HIBADH: variants seen among roughly 807,000 people sequenced by gnomAD.
HIBADH encodes the protein 3-hydroxyisobutyrate dehydrogenase, mitochondrial.
HIBADH carries 25 observed loss-of-function variants against 36.1 expected under a neutral mutation model. The ratio of observed to expected loss-of-function variants is 0.69; its 90% CI spans 0.50 to 0.97. The LOEUF is 0.97. HIBADH is among the 50% of genes least tolerant of loss of function. HIBADH has a pLI of 0.00. For synonymous variants in HIBADH, 160 were observed against 149.5 expected, an observed-to-expected ratio of 1.07 and a Z score of -0.51; for missense variants, 421 against 418.0, an observed-to-expected ratio of 1.01 and a Z score of -0.06.
chr7:27,570,560 G>A (rs1057421216), intron 4 of HIBADH, among the ~76,000 whole-genome samples: 5 of 152,106 alleles, frequency 3.3e-5, no homozygotes, highest in Non-Finnish European at 5.9e-5. Flanking sequence ...AAAAGCATGC[G>A]GGGAGTTTCT....
intron 4 of HIBADH, among the ~76,000 whole-genome samples, chr7:27,564,689 A>G (rs866702800): frequency 6.6e-6 from 1 of 152,310 alleles, no homozygotes. Flanking sequence ...TATAGATGCA[A>G]TAAAAAGTAA....
rs755075502 is a variant in HIBADH at position 27,526,263 on chromosome 7, T to C, written c.962A>G (p.Lys321Arg). The C allele has an allele frequency of 3.1e-6, 5 of 1,613,086 alleles. No homozygotes were observed. The African/African-American group carries it at 6.7e-5, about 22-fold the overall frequency. ...RMMCAKGYSK[K>R]DFSSVFQFLR... ...GAACTGGAACACGGATGAGAAGTCTTTCTTTGAGTAGCCCTTTGCACACAT... is the reference window on the plus strand; with the variant it reads ...GAACTGGAACACGGATGAGAAGTCTCTCTTTGAGTAGCCCTTTGCACACAT... The change falls in exon 8 of 8, where the codon AAA becomes AGA. Residue 321 changes from lysine to arginine, a missense_variant. Transcript: ENST00000265395.
intron 4 of HIBADH, among the ~76,000 whole-genome samples, chr7:27,611,272 T>G (rs1785315359): frequency 1.3e-5 from 2 of 152,352 alleles, no homozygotes; most frequent in South Asian, 2.1e-4. Context: ...TTAAGGTCTC[T>G]GGGCAAATCT....
intron 4 of HIBADH, among the ~76,000 whole-genome samples, chr7:27,614,371 A>C (rs1785390320): frequency 6.6e-6 from 1 of 152,224 alleles, no homozygotes; most frequent in South Asian, 2.1e-4. Context: ...AGAGAGGTAA[A>C]TAATCTGGAG....
intron 1 of HIBADH, among the ~76,000 whole-genome samples, chr7:27,657,615 A>G (rs1026574582): frequency 1.3e-5 from 2 of 152,148 alleles, no homozygotes; most frequent in African/African-American, 4.8e-5. Flanking sequence ...GAATGAAGAT[A>G]AAGTTTTCAA....
intron 2 of HIBADH, among the ~76,000 whole-genome samples, chr7:27,646,844 C>A (rs576718468): frequency 2.0e-5 from 3 of 151,856 alleles, no homozygotes; most frequent in Non-Finnish European, 4.4e-5. Flanking sequence ...CACAGACACA[C>A]GCCACCGCGC....
At chr7:27,631,878 A>G (rs17155537) in intron 3 of HIBADH, among the ~76,000 whole-genome samples, 30,901 of 152,218 alleles carry the variant, frequency 0.2, 4,121 homozygotes, top group East Asian at 0.53. Flanking sequence ...CCAACTTCCC[A>G]AAGTTCTTAC....
intron 4 of HIBADH, among the ~76,000 whole-genome samples, chr7:27,563,209 G>C (rs1226296130): frequency 1.3e-5 from 2 of 152,044 alleles, no homozygotes; most frequent in Non-Finnish European, 2.9e-5. Context: ...AATGCCTTTG[G>C]GTTACCTGTT....
chr7:27,628,062 T>C (rs1785680299), intron 4 of HIBADH, among the ~76,000 whole-genome samples: 1 of 152,162 alleles, frequency 6.6e-6, no homozygotes, highest in African/African-American at 2.4e-5. Flanking sequence ...AGAACCACTC[T>C]AAGAAAGATC....
intron 7 of HIBADH, among the ~76,000 whole-genome samples, chr7:27,529,406 T>C (rs1783959911): frequency 6.6e-6 from 1 of 152,148 alleles, no homozygotes; most frequent in Non-Finnish European, 1.5e-5. Flanking sequence ...TTGTGATTCA[T>C]GGGAGGAGGT....
At chr7:27,644,532 G>A (rs1364538598) in intron 2 of HIBADH, among the ~76,000 whole-genome samples, 7 of 151,118 alleles carry the variant, frequency 4.6e-5, no homozygotes, top group East Asian at 2.0e-4. Context: ...CCTGGGAGGC[G>A]GAGGTTGCAG....
intron 4 of HIBADH, among the ~76,000 whole-genome samples, chr7:27,610,611 A>G (rs1271901647): frequency 1.3e-5 from 2 of 152,224 alleles, no homozygotes; most frequent in Non-Finnish European, 2.9e-5. Flanking sequence ...TTGTGAGAGT[A>G]TCAAAAAAAG....
intron 4 of HIBADH, among the ~76,000 whole-genome samples, chr7:27,574,940 A>C (rs915403090): frequency 5.3e-5 from 8 of 152,200 alleles, no homozygotes; most frequent in Non-Finnish European, 1.2e-4. Context: ...TGATATTATA[A>C]AGCAGGTAAT....
At chr7:27,554,166 A>T (rs1986243) in intron 4 of HIBADH, among the ~76,000 whole-genome samples, 22 of 152,062 alleles carry the variant, frequency 1.4e-4, no homozygotes, top group East Asian at 9.7e-4. Context: ...TTGTATTTTT[A>T]GTAGAGACAG....
At chr7:27,600,167 AT>A (rs1785105211) in intron 4 of HIBADH, among the ~76,000 whole-genome samples, 1 of 152,116 alleles carries the variant, frequency 6.6e-6, no homozygotes, top group Admixed American at 6.5e-5. Context: ...ACACTGTCAT[AT>A]GTTCACTTAG....
chr7:27,575,704 CA>C (rs1438076737), intron 4 of HIBADH, among the ~76,000 whole-genome samples: 2 of 151,896 alleles, frequency 1.3e-5, no homozygotes, highest in African/African-American at 4.8e-5. Flanking sequence ...GGGCTGTTTT[CA>C]AAAAAAGGAA....
At chr7:27,583,698 A>G (rs1026953237) in intron 4 of HIBADH, among the ~76,000 whole-genome samples, 3 of 152,120 alleles carry the variant, frequency 2.0e-5, no homozygotes, top group Admixed American at 2.0e-4. Flanking sequence ...AGGCCTCATC[A>G]TTTTAAACCA....
At chr7:27,559,217 T>C in intron 4 of HIBADH, among the ~76,000 whole-genome samples, 1 of 152,166 alleles carries the variant, frequency 6.6e-6, no homozygotes, top group East Asian at 1.9e-4. Context: ...TTAACTTCAT[T>C]ACCTTTGTGA....
At chr7:27,629,092 A>C (rs1785699808) in intron 4 of HIBADH, among the ~76,000 whole-genome samples, 1 of 152,062 alleles carries the variant, frequency 6.6e-6, no homozygotes, top group Non-Finnish European at 1.5e-5. Flanking sequence ...GTTCCAAAAA[A>C]AATTTTCTAA....
Sources: gnomAD v4.1 joint callset for allele counts (sites outside exome capture counted in the v4.1 genomes callset) on GRCh38, gnomAD v4.1.1 for gene constraint, MANE v1.5 for transcripts, NCBI Gene and HGNC (gene_info 2026-07-23, HGNC 2026-07-21) for gene names.